The following ATL2 variants were observed in gnomAD, a reference collection of about 807,000 sequenced individuals.
The protein encoded by ATL2 is atlastin-2.
Under a neutral mutation model 73.9 loss-of-function variants are expected in ATL2, and 31 were observed. The ratio of observed to expected loss-of-function variants is 0.42; its 90% CI spans 0.32 to 0.57. The LOEUF is 0.57. Ranked by LOEUF, ATL2 falls within the 20% of genes least tolerant of loss-of-function variation. ATL2 has a pLI of 0.14. For missense variants in ATL2, 738 were observed against 702.6 expected (o/e 1.05, Z -0.57); for synonymous variants, 291 against 237.5 (o/e 1.23, Z -2.07).
chr2:38,355,239 G>C (rs1670590238), intron 1 of ATL2, among the ~76,000 whole-genome samples: 1 of 152,076 alleles, frequency 6.6e-6, no homozygotes, highest in South Asian at 2.1e-4. Flanking sequence ...CAATTCTCCT[G>C]TCTCAGCCTC....
chr2:38,321,925 C>A (rs1668344861), intron 2 of ATL2, among the ~76,000 whole-genome samples: 1 of 152,094 alleles, frequency 6.6e-6, no homozygotes, highest in Non-Finnish European at 1.5e-5. Flanking sequence ...GTTGCCCAGG[C>A]TGATAACAAT....
At chr2:38,378,190 ATGTCCGGGTGTACAAACAGCTGTTT>A (rs1672088320), upstream of ATL2, among the ~76,000 whole-genome samples, 1 of 152,224 alleles carries the variant, frequency 6.6e-6, no homozygotes, top group African/African-American at 2.4e-5. Flanking sequence ...GTAAAAACAG[ATGTCCGGGTGTACAAACAGCTGTTT>A]TGTCCAGGTC....
intron 1 of ATL2, among the ~76,000 whole-genome samples, chr2:38,369,878 G>A (rs1444578879): frequency 3.3e-5 from 5 of 151,578 alleles, no homozygotes; most frequent in African/African-American, 4.8e-5. Context: ...AAAGCCGGGC[G>A]CGGTGGCTCA....
chr2:38,341,605 T>C (rs1176909142), intron 2 of ATL2, among the ~76,000 whole-genome samples: 1 of 152,166 alleles, frequency 6.6e-6, no homozygotes, highest in African/African-American at 2.4e-5. Flanking sequence ...CTAAAAGCCA[T>C]GTTCACACCA....
rs973352967 is a variant in ATL2, at chr2:38,294,458, G to T, written c.*1536C>A. ...AGCTACTCAGGAGGCTGAGGCGGGAGAATCACTTGAACCCAGGAGGTGGAG... is the reference window on the plus strand; with the variant it reads ...AGCTACTCAGGAGGCTGAGGCGGGATAATCACTTGAACCCAGGAGGTGGAG... On this transcript the variant is annotated 3_prime_UTR_variant, in exon 13 of 13. Transcript: ENST00000378954. Among the ~76,000 whole-genome samples, 1 of 152,166 alleles carries T rather than the reference G, an allele frequency of 6.6e-6. No individual in the cohort carries two copies. Among genetic ancestry groups the T allele is most frequent in the South Asian group, 2.1e-4 (1 of 4,826 alleles).
intron 1 of ATL2, among the ~76,000 whole-genome samples, chr2:38,353,656 C>T (rs1317140626): frequency 6.6e-6 from 1 of 152,104 alleles, no homozygotes; most frequent in Non-Finnish European, 1.5e-5. Flanking sequence ...AAACCAAAAA[C>T]CAAAGATAAC....
intron 7 of ATL2, among the ~76,000 whole-genome samples, chr2:38,310,973 C>G (rs1475736827): frequency 1.3e-5 from 2 of 152,086 alleles, no homozygotes; most frequent in Admixed American, 6.6e-5. Flanking sequence ...CCCAAGTAAG[C>G]TGCCTGGAAC....
At chr2:38,358,985 A>G (rs976503441) in intron 1 of ATL2, among the ~76,000 whole-genome samples, 1 of 152,222 alleles carries the variant, frequency 6.6e-6, no homozygotes, top group Non-Finnish European at 1.5e-5. Flanking sequence ...TGGTCCTGTA[A>G]AACATTAAGA....
chr2:38,332,487 C>G (rs541610268), intron 2 of ATL2, among the ~76,000 whole-genome samples: 1 of 152,012 alleles, frequency 6.6e-6, no homozygotes, highest in African/African-American at 2.4e-5. Flanking sequence ...ATTACAGGCA[C>G]GAGCCACCAT....
At position 38,309,503 on chromosome 2, in the gene ATL2, A is replaced by G; in HGVS notation, c.947T>C (p.Ile316Thr). The change falls in exon 9 of 13, where the codon ATT becomes ACT. Residue 316 changes from isoleucine to threonine, a missense_variant. Physicochemically the swap from Ile to Thr is moderately conservative, Grantham distance 89. Transcript: ENST00000378954. ...NPSFDGRLKD[I>T]DEDFKRELRN... ...AAGCTCTCGTTTAAAGTCTTCATCAATATCTAGAAAACAAAAAATTGAGCA... is the reference window on the plus strand; with the variant it reads ...AAGCTCTCGTTTAAAGTCTTCATCAGTATCTAGAAAACAAAAAATTGAGCA... 1 of 1,608,378 alleles carries G rather than the reference A, an allele frequency of 6.2e-7. No individual in the cohort carries two copies. The highest frequency in any genetic ancestry group is 1.1e-5 in the South Asian group (1 of 90,184).
In ATL2 at chr2:38,343,276, A is replaced by G; in HGVS notation, c.355T>C (p.Tyr119His). ...FLLDFMLRYM[Y>H]NKDSQSWIGG... ...TTTAAAAGACTATTCACCTTGTTATACATGTATCTAAGCATGAAGTCCAGT... is the reference window on the plus strand; with the variant it reads ...TTTAAAAGACTATTCACCTTGTTATGCATGTATCTAAGCATGAAGTCCAGT... The change falls in exon 2 of 13, where the codon TAT becomes CAT. Residue 119 changes from tyrosine to histidine, a missense_variant. By Grantham distance (83) the Tyr-to-His change is moderately conservative. Coordinates refer to ENST00000378954, the MANE Select transcript of ATL2 (RefSeq NM_001135673.4). 1.2e-6 allele frequency: 2 copies of G among 1,605,264 alleles called. No homozygotes were observed. The highest frequency in any genetic ancestry group is 1.7e-6 in the Non-Finnish European group (2 of 1,177,574).
intron 12 of ATL2, 128 bp from the exon 13 acceptor site, chr2:38,296,241 A>T (rs1666886834): frequency 7.0e-7 from 1 of 1,427,024 alleles, no homozygotes; most frequent in Admixed American, 2.9e-5. Flanking sequence ...AAATAAAAAG[A>T]TGCTTCTCTC....
chr2:38,311,017 T>C, intron 7 of ATL2, among the ~76,000 whole-genome samples: 1 of 152,128 alleles, frequency 6.6e-6, no homozygotes. Flanking sequence ...TTAATCACAG[T>C]ATCTAATAAC....
chr2:38,354,067 C>T lies in ATL2; in HGVS notation c.119-10555G>A, dbSNP rs555846960. 3.4e-3 allele frequency: 1,158 copies of T among 338,328 alleles called. 31 individuals carry two copies. The highest frequency in any genetic ancestry group is 0.024 in the South Asian group (1,127 of 47,870). 21.0% of individuals were successfully genotyped at this position (338,328 alleles called of 1,614,324 possible). ...AATTAGCCGGCGTGGTGGCACGCAC[C>T]TGTAATCCCAGCTACTTGGGAGGCT... On this transcript the variant is annotated intron_variant, in intron 1 of 12. Coordinates refer to ENST00000378954, the MANE Select transcript of ATL2 (RefSeq NM_001135673.4).
chr2:38,337,618 AAG>A lies in ATL2; in HGVS notation c.363+5648_363+5649del, dbSNP rs1225358899. 1.4e-4 allele frequency among the ~76,000 whole-genome samples: 21 copies of A among 151,364 alleles called. No individual in the cohort carries two copies. The East Asian group carries it at 3.3e-3, about 24-fold the overall frequency. The stretch of plus-strand genomic sequence containing the variant: ...AATGTTCAAAAAAGTCCTTATTTTT[AAG>A]AGACACATACTGTAATATTTATAAA... On this transcript the variant is annotated intron_variant, in intron 2 of 12. Coordinates refer to ENST00000378954, the MANE Select transcript of ATL2 (RefSeq NM_001135673.4).
chr2:38,315,696 C>T (rs1667993704), intron 4 of ATL2, among the ~76,000 whole-genome samples: 1 of 151,928 alleles, frequency 6.6e-6, no homozygotes, highest in African/African-American at 2.4e-5. Flanking sequence ...GTTATTTCCA[C>T]CATCATTTTT....
chr2:38,323,749 A>G (rs939894405), intron 2 of ATL2, among the ~76,000 whole-genome samples: 2 of 152,142 alleles, frequency 1.3e-5, no homozygotes, highest in African/African-American at 4.8e-5. Flanking sequence ...GTCTTGCTCT[A>G]TCACCCAAGC....
At chr2:38,318,348 G>A (rs998165441) in intron 4 of ATL2, 187 bp downstream of exon 4, 4 of 399,480 alleles carry the variant, frequency 1.0e-5, no homozygotes, top group South Asian at 1.0e-4. Flanking sequence ...GCATGGTGGC[G>A]GGGGCCTGTA....
chr2:38,303,994 T>A (rs1340275680), intron 9 of ATL2, among the ~76,000 whole-genome samples: 1 of 152,036 alleles, frequency 6.6e-6, no homozygotes, highest in Non-Finnish European at 1.5e-5. Flanking sequence ...CCAGGCACGG[T>A]GGCTCACACC....
Sources: allele counts gnomAD v4.1 joint callset (sites outside exome capture counted in the v4.1 genomes callset), GRCh38; gene constraint gnomAD v4.1.1; transcripts MANE v1.5; gene names NCBI Gene and HGNC (gene_info 2026-07-23, HGNC 2026-07-21).